The following TRDN variants were observed in gnomAD, a reference collection of about 807,000 sequenced individuals.
TRDN encodes the protein triadin in skeletal muscle.
In TRDN, 161 loss-of-function variants were observed where a neutral mutation model predicts 149.7. The observed-to-expected ratio is 1.08, with a 90% CI of 0.95 to 1.23. The LOEUF (loss-of-function observed/expected upper bound fraction) is 1.23, where lower values mean the gene tolerates loss of function less well. TRDN is among the 50% of genes most tolerant of loss of function. The probability of loss-of-function intolerance (pLI) is 0.00; values close to 1 mark genes in which losing one functional copy is unlikely to be tolerated. For synonymous variants in TRDN, 294 were observed against 250.5 expected, an observed-to-expected ratio of 1.17 and a Z score of -1.64; for missense variants, 896 against 823.5, an observed-to-expected ratio of 1.09 and a Z score of -1.08.
chr6:123,603,073 C>T (rs1562420283), intron 1 of TRDN, among the ~76,000 whole-genome samples: 1 of 79,872 alleles, frequency 1.3e-5, no homozygotes, highest in South Asian at 4.0e-4. Context: ...CTTTGTTATT[C>T]CAAGGACTAA....
intron 24 of TRDN, among the ~76,000 whole-genome samples, chr6:123,304,532 G>A (rs564892983): frequency 1.3e-5 from 2 of 152,144 alleles, no homozygotes; most frequent in South Asian, 2.1e-4. Flanking sequence ...GATTAAAGGC[G>A]TGAGACACTG....
chr6:123,506,316 T>C (rs1380716832), intron 7 of TRDN, among the ~76,000 whole-genome samples: 1 of 152,164 alleles, frequency 6.6e-6, no homozygotes, highest in African/African-American at 2.4e-5. Context: ...CTTCCTCCTA[T>C]CTCCCATGTT....
chr6:123,394,474 T>C (rs1772639125), intron 12 of TRDN, among the ~76,000 whole-genome samples: 1 of 152,278 alleles, frequency 6.6e-6, no homozygotes, highest in East Asian at 1.9e-4. Context: ...TAATGGAAAG[T>C]AAGATTGGGT....
At chr6:123,465,129 T>C (rs1486031372) in intron 9 of TRDN, 146 bp from the exon 10 acceptor site, 6 of 906,548 alleles carry the variant, frequency 6.6e-6, no homozygotes, top group Non-Finnish European at 9.5e-6. Context: ...AAAAGAAAGC[T>C]ATTATTAAGG....
chr6:123,394,904 G>A (rs1772656522), intron 12 of TRDN, among the ~76,000 whole-genome samples: 1 of 151,814 alleles, frequency 6.6e-6, no homozygotes, highest in African/African-American at 2.4e-5. Context: ...TACCATCTTT[G>A]TCAAACCTAG....
intron 1 of TRDN, among the ~76,000 whole-genome samples, chr6:123,578,109 T>C (rs774798767): frequency 9.9e-5 from 15 of 152,228 alleles, no homozygotes; most frequent in Admixed American, 2.6e-4. Flanking sequence ...GATAGTTTCC[T>C]TTGCCGTGCA....
At chr6:123,441,409 A>G (rs1162331607) in intron 10 of TRDN, among the ~76,000 whole-genome samples, 1 of 152,182 alleles carries the variant, frequency 6.6e-6, no homozygotes, top group Non-Finnish European at 1.5e-5. Context: ...ATTTAAGCCC[A>G]TTGATGTTCA....
chr6:123,243,156 A>G (rs1776051296), intron 38 of TRDN, among the ~76,000 whole-genome samples: 1 of 151,830 alleles, frequency 6.6e-6, no homozygotes, highest in Admixed American at 6.6e-5. Flanking sequence ...TGCCTATGCC[A>G]CTCTATTGAG....
chr6:123,374,036 A>C (rs1236462857), intron 19 of TRDN, among the ~76,000 whole-genome samples: 1 of 152,206 alleles, frequency 6.6e-6, no homozygotes, highest in African/African-American at 2.4e-5. Flanking sequence ...AGATAATTTA[A>C]GCAGTTTGTG....
At chr6:123,477,736 A>G (rs1445979173) in intron 9 of TRDN, among the ~76,000 whole-genome samples, 4 of 152,186 alleles carry the variant, frequency 2.6e-5, no homozygotes, top group Non-Finnish European at 5.9e-5. Flanking sequence ...ACCATAAAAA[A>G]TGATGAGTTC....
intron 32 of TRDN, 46 bp downstream of exon 32, chr6:123,267,661 A>C: frequency 7.6e-7 from 1 of 1,315,328 alleles, no homozygotes; most frequent in Non-Finnish European, 1.0e-6. Context: ...AATATAATAA[A>C]AATAGTGAAC....
chr6:123,282,792 A>C (rs899379256), intron 24 of TRDN, among the ~76,000 whole-genome samples: 4 of 151,930 alleles, frequency 2.6e-5, no homozygotes, highest in Middle Eastern at 3.2e-3. Context: ...TAACTTTGTC[A>C]AGACAATATA....
In TRDN at chr6:123,393,673, C is replaced by A. The variant is rs558713666; in HGVS notation, c.1056G>T (p.Pro352=). 66 of 1,604,256 alleles carry A rather than the reference C, an allele frequency of 4.1e-5. No homozygotes were observed. The African/African-American group carries it at 7.5e-4, about 18-fold the overall frequency. ...ETAIDVEKKE[P]GKASETKQGT... is the part of the protein sequence containing the mutation. ...CTTGTTTGGTTTCAGAAGCTTTTCC[C>A]GGCTCTTGGAATGAAAAAAACATAA... Residue 352 remains proline (P), a synonymous_variant, in exon 13 of 41, where the codon CCG becomes CCT. Transcript: ENST00000334268.
rs375397000 is a variant in TRDN, at chr6:123,574,855, TAC to T, written c.23-3725_23-3724del. 8.6e-3 allele frequency among the ~76,000 whole-genome samples: 301 copies of T among 34,846 alleles called. 2 individuals are homozygous for T. The highest frequency in any genetic ancestry group is 0.025 in the East Asian group (21 of 852). 22.9% of individuals were successfully genotyped at this position (34,846 alleles called of 152,430 possible). On this transcript the variant is annotated intron_variant, in intron 1 of 40. Transcript: ENST00000334268. ...TTAAAACAGAACATGAATTTATATATACATATATATATATATATATATATATA... is the reference window on the plus strand; with the variant it reads ...TTAAAACAGAACATGAATTTATATATATATATATATATATATATATATATA...
intron 1 of TRDN, among the ~76,000 whole-genome samples, chr6:123,574,958 T>C (rs1264658957): frequency 6.7e-6 from 1 of 148,768 alleles, no homozygotes; most frequent in East Asian, 2.0e-4. Context: ...ATGCAAGCTC[T>C]GAGTTAAAAA....
intron 10 of TRDN, among the ~76,000 whole-genome samples, chr6:123,443,955 A>T (rs1387954483): frequency 6.6e-6 from 1 of 150,850 alleles, no homozygotes; most frequent in Non-Finnish European, 1.5e-5. Context: ...AGGTAGTGTG[A>T]TGCCTCCAGC....
intron 1 of TRDN, among the ~76,000 whole-genome samples, chr6:123,582,893 G>A (rs1009530308): frequency 1.3e-5 from 2 of 152,040 alleles, no homozygotes; most frequent in African/African-American, 4.8e-5. Flanking sequence ...GAGTGGGAGA[G>A]ATTAAGCTGA....
Position 123,216,491 on chromosome 6 carries a change from C to A in TRDN, c.*2110G>T, listed in dbSNP as rs1774975284. 1 of 151,684 alleles carries A rather than the reference C, an allele frequency of 6.6e-6. No individual in the cohort carries two copies. Among genetic ancestry groups the A allele is most frequent in the South Asian group, 2.1e-4 (1 of 4,808 alleles). The allele number at this position is 151,684 out of a possible 1,614,324, so 9.4% of individuals were successfully genotyped here. A position where few individuals can be genotyped will look rare whatever the true frequency, so the allele number is the denominator to read the frequency against. On this transcript the variant is annotated 3_prime_UTR_variant, in exon 41 of 41. Transcript: ENST00000334268. ...ACATTATAGCTGATTTGTCTAAATT[C>A]TAATTACAATAAAATATATCGTTTT...
At chr6:123,482,656 A>G (rs1777796986) in intron 9 of TRDN, among the ~76,000 whole-genome samples, 1 of 152,220 alleles carries the variant, frequency 6.6e-6, no homozygotes, top group South Asian at 2.1e-4. Flanking sequence ...ATATAAGAGA[A>G]TATTAAATCA....
Sources: allele counts gnomAD v4.1 joint callset (sites outside exome capture counted in the v4.1 genomes callset), GRCh38; gene constraint gnomAD v4.1.1; transcripts MANE v1.5; gene names NCBI Gene and HGNC (gene_info 2026-07-23, HGNC 2026-07-21).